The following GJA8 variants were observed in gnomAD, a reference collection of about 807,000 sequenced individuals.
The protein encoded by GJA8 is gap junction protein alpha 8.
Under a neutral mutation model 15.3 loss-of-function variants are expected in GJA8, and 13 were observed. That is an observed-to-expected ratio of 0.85 (90% confidence interval 0.55 to 1.35). The LOEUF (loss-of-function observed/expected upper bound fraction) is 1.35, where lower values mean the gene tolerates loss of function less well. Ranked by LOEUF, GJA8 falls within the 40% of genes most tolerant of loss-of-function variation. The pLI, the probability that GJA8 is intolerant of heterozygous loss-of-function variation, is 0.00. For missense variants in GJA8, 607 were observed against 553.3 expected, an observed-to-expected ratio of 1.10 and a Z score of -0.97; for synonymous variants, 304 against 238.7, an observed-to-expected ratio of 1.27 and a Z score of -2.52.
intron 1 of GJA8, 27 bp from the exon 2 acceptor site, chr1:147,907,918 C>G (rs187112644): frequency 4.3e-5 from 66 of 1,537,732 alleles, no homozygotes; most frequent in Non-Finnish European, 5.3e-5. Context: ...GGCCGCTCAG[C>G]TCTTGCCTTC....
At chr1:147,903,978 C>CTGGA (rs1258480009) in intron 1 of GJA8, among the ~76,000 whole-genome samples, 2 of 146,828 alleles carry the variant, frequency 1.4e-5, no homozygotes, top group African/African-American at 5.1e-5. Context: ...GTTGCCCAGG[C>CTGGA]TGGAGTGCAG....
Position 147,908,697 on chromosome 1 carries a change from C to G in GJA8, c.742C>G (p.Pro248Ala). ...TGTAGAGCAGCCCCTGGGGGAGATT[C>G]CTGAGAAATCCCTCCACTCCATTGC... ...RPVEQPLGEI[P>A]EKSLHSIAVS... Residue 248 changes from proline (P) to alanine (A), a missense_variant, in exon 2 of 2, where the codon CCT becomes GCT. Transcript: ENST00000369235. 1 of 1,614,044 alleles carries G rather than the reference C, an allele frequency of 6.2e-7. No individual in the cohort carries two copies. The highest frequency in any genetic ancestry group is 8.5e-7 in the Non-Finnish European group (1 of 1,179,982).
rs781805667 is a variant in GJA8, at chr1:147,909,063, G to A, written c.1108G>A (p.Glu370Lys). 2.9e-5 allele frequency: 47 copies of A among 1,604,778 alleles called. No individual in the cohort carries two copies. Among genetic ancestry groups the A allele is most frequent in the Non-Finnish European group, 3.3e-5 (39 of 1,175,466 alleles). ...EQEKVAVPEGEKVETPGVDKE... is the reference protein window; with the variant it reads ...EQEKVAVPEGKKVETPGVDKE... ...GGAGAAGGTGGCCGTGCCAGAGGGG[G>A]AGAAAGTAGAGACCCCCGGAGTGGA... Residue 370 changes from glutamate to lysine, a missense_variant, in exon 2 of 2, where the codon GAG (glutamate) becomes AAG (lysine). Glu to Lys is a moderately conservative substitution (Grantham distance 56, BLOSUM62 1). Transcript: ENST00000369235.
chr1:147,908,313 A>G lies in GJA8; in HGVS notation c.358A>G (p.Thr120Ala), dbSNP rs1553242646. 1 of 1,614,124 alleles carries G rather than the reference A, an allele frequency of 6.2e-7. No homozygotes were observed. ...EAEELGQQAG[T>A]NGGPDQGSVK... ...GGAGGAGCTGGGCCAGCAGGCGGGG[A>G]CTAACGGCGGCCCGGACCAGGGCAG... is the stretch of plus-strand genomic sequence containing the variant. Residue 120 changes from threonine to alanine, a missense_variant, in exon 2 of 2, where the codon ACT (threonine) becomes GCT (alanine). Thr to Ala is a moderately conservative substitution (Grantham distance 58). Coordinates refer to ENST00000369235, the MANE Select transcript of GJA8 (RefSeq NM_005267.5).
Position 147,908,979 on chromosome 1 carries a change from G to A in GJA8, c.1024G>A (p.Ala342Thr), listed in dbSNP as rs898971785. 62 of 1,598,344 alleles carry A rather than the reference G, an allele frequency of 3.9e-5. No homozygotes were observed. Among genetic ancestry groups the A allele is most frequent in the Non-Finnish European group, 5.0e-5 (58 of 1,171,286 alleles). Residue 342 changes from alanine (A) to threonine (T), a missense_variant, in exon 2 of 2, where the codon GCC (alanine) becomes ACC (threonine). By Grantham distance (58) the Ala-to-Thr change is moderately conservative. Transcript: ENST00000369235. ...EGEGPPAEEG[A>T]EPEVGEKKEE... Reference sequence around the variant, plus strand: ...CGAGGGGCCGCCTGCAGAGGAGGGAGCCGAACCCGAGGTGGGAGAGAAGAA... The same window carrying A: ...CGAGGGGCCGCCTGCAGAGGAGGGAACCGAACCCGAGGTGGGAGAGAAGAA...
the GJA8 span, among the ~76,000 whole-genome samples, chr1:147,914,332 A>G: frequency 6.6e-6 from 1 of 152,194 alleles, no homozygotes; most frequent in Non-Finnish European, 1.5e-5. Context: ...TATGAAGCAC[A>G]TTCATAACAA....
downstream of GJA8, among the ~76,000 whole-genome samples, chr1:147,911,523 T>C (rs1652154663): frequency 6.6e-6 from 1 of 152,206 alleles, no homozygotes; most frequent in Non-Finnish European, 1.5e-5. Flanking sequence ...GGATGTTGAA[T>C]AGAAGAGGTA....
rs1651966801 is a variant in GJA8, at chr1:147,909,032, G to A, written c.1077G>A (p.Glu359=). Residue 359 remains glutamate, a synonymous_variant, in exon 2 of 2, where the codon GAG becomes GAA. Transcript: ENST00000369235. ...AGGAAGCAGAGAGGCTGACCACGGA[G>A]GAGCAGGAGAAGGTGGCCGTGCCAG... The part of the protein sequence containing the change: ...KKEEAERLTT[E]EQEKVAVPEG... 7 of 1,597,536 alleles carry A rather than the reference G, an allele frequency of 4.4e-6. No individual in the cohort carries two copies. Among genetic ancestry groups the A allele is most frequent in the Non-Finnish European group, 6.0e-6 (7 of 1,171,810 alleles).
chr1:147,914,464 A>T, the GJA8 span, among the ~76,000 whole-genome samples: 1 of 152,196 alleles, frequency 6.6e-6, no homozygotes, highest in African/African-American at 2.4e-5. Flanking sequence ...TTACAAAGCA[A>T]ATAAAATTAA....
At position 147,903,500 on chromosome 1, in the gene GJA8, G is replaced by A. The variant is rs781896058; in HGVS notation, c.-12+639G>A. 6.6e-5 allele frequency among the ~76,000 whole-genome samples: 10 copies of A among 152,304 alleles called. 1 individual carries two copies. The South Asian group carries it at 1.0e-3, about 16-fold the overall frequency. On this transcript the variant is annotated intron_variant, in intron 1 of 1. Transcript: ENST00000369235. ...CGCTTTGGATAACTTATTAATGGAT[G>A]TATATGTGTTATTCTGCCTCTTCAA...
downstream of GJA8, chr1:147,909,347 T>G (rs2149016777): frequency 2.0e-6 from 2 of 993,916 alleles, no homozygotes; most frequent in East Asian, 5.1e-5. Context: ...ATCTTCTGTC[T>G]CCTGTCCTCC....
At chr1:147,911,832 A>T (rs1330185706), downstream of GJA8, among the ~76,000 whole-genome samples, 10 of 151,790 alleles carry the variant, frequency 6.6e-5, no homozygotes, top group African/African-American at 2.2e-4. Flanking sequence ...TGTTCTAAAT[A>T]AAACTGCTGT....
At position 147,907,994 on chromosome 1, in the gene GJA8, G is replaced by C. The variant is rs149980128; in HGVS notation, c.39G>C (p.Glu13Asp). 259 of 1,613,976 alleles carry C rather than the reference G, an allele frequency of 1.6e-4. No homozygotes were observed. The highest frequency in any genetic ancestry group is 2.2e-4 in the Non-Finnish European group (254 of 1,179,980). ...DWSFLGNILEEVNEHSTVIGR... is the reference protein window; with the variant it reads ...DWSFLGNILEDVNEHSTVIGR... ...GTTTCCTGGGGAACATCTTGGAGGA[G>C]GTGAATGAGCACTCCACCGTCATCG... is the stretch of plus-strand genomic sequence containing the variant. The change falls in exon 2 of 2, where the codon GAG becomes GAC. Residue 13 changes from glutamate to aspartate, a missense_variant. Coordinates refer to ENST00000369235, the MANE Select transcript of GJA8 (RefSeq NM_005267.5).
chr1:147,908,227 T>A lies in GJA8; in HGVS notation c.272T>A (p.Met91Lys), dbSNP rs1357881517. The A allele has an allele frequency of 1.2e-6, 2 of 1,614,106 alleles. No homozygotes were observed. Among genetic ancestry groups the A allele is most frequent in the Non-Finnish European group, 1.7e-6 (2 of 1,180,040 alleles). ...QIIFVSTPSL[M>K]YVGHAVHYVR... ...ATCTTCGTCTCCACCCCGTCCCTGA[T>A]GTACGTGGGGCACGCGGTGCACTAC... The change falls in exon 2 of 2, where the codon ATG becomes AAG. Residue 91 changes from methionine (M) to lysine (K), a missense_variant. Met to Lys is a moderately conservative substitution (Grantham distance 95). Transcript: ENST00000369235.
chr1:147,909,357 C>CCA, downstream of GJA8: 1 of 923,236 alleles, frequency 1.1e-6, no homozygotes, highest in East Asian at 2.6e-5. Context: ...TCCTGTCCTC[C>CCA]CACCAGCCTC....
chr1:147,913,832 T>C (rs1316867705), downstream of GJA8, among the ~76,000 whole-genome samples: 1 of 152,180 alleles, frequency 6.6e-6, no homozygotes, highest in Non-Finnish European at 1.5e-5. Context: ...AAGGTTTGCC[T>C]GGTTGGAAGA....
At chr1:147,906,719 G>C (rs1380289849) in intron 1 of GJA8, among the ~76,000 whole-genome samples, 3 of 152,122 alleles carry the variant, frequency 2.0e-5, no homozygotes, top group Non-Finnish European at 4.4e-5. Context: ...TAAATTAAGA[G>C]CACAGAAGTC....
At chr1:147,909,701 A>G (rs1403772007), downstream of GJA8, among the ~76,000 whole-genome samples, 3 of 152,210 alleles carry the variant, frequency 2.0e-5, no homozygotes, top group Non-Finnish European at 4.4e-5. Context: ...TCAAAAGCCT[A>G]CAGAATACAG....
rs782255882 is a variant in GJA8, at chr1:147,909,159, C to T, written c.1204C>T (p.Pro402Ser). 2 of 1,613,906 alleles carry T rather than the reference C, an allele frequency of 1.2e-6. No individual in the cohort carries two copies. Among genetic ancestry groups the T allele is most frequent in the Non-Finnish European group, 8.5e-7 (1 of 1,179,918 alleles). ...GCAAGGGCTGCCAGCTGAGAAGACA[C>T]CTTCACTCTGTCCAGAGCTGACAAC... ...SKQGLPAEKT[P>S]SLCPELTTDD... The change falls in exon 2 of 2, where the codon CCT becomes TCT. Residue 402 changes from proline (P) to serine (S), a missense_variant. Physicochemically the swap from Pro to Ser is moderately conservative, Grantham distance 74. Transcript: ENST00000369235.
Sources: gnomAD v4.1 joint callset for allele counts (sites outside exome capture counted in the v4.1 genomes callset) on GRCh38, gnomAD v4.1.1 for gene constraint, MANE v1.5 for transcripts, NCBI Gene and HGNC (gene_info 2026-07-23, HGNC 2026-07-21) for gene names.